Variants in DCDC2 observed in about 807,000 individuals in gnomAD.
DCDC2 encodes the protein doublecortin domain-containing protein 2.
Under a neutral mutation model 50.2 loss-of-function variants are expected in DCDC2, and 40 were observed. That is an observed-to-expected ratio of 0.80 (90% CI 0.62 to 1.04). DCDC2 has a LOEUF of 1.04. DCDC2 is among the 50% of genes least tolerant of loss of function. DCDC2 has a pLI of 0.00. For missense variants in DCDC2, 570 were observed against 581.9 expected (o/e 0.98, Z 0.21); for synonymous variants, 234 against 210.6 (o/e 1.11, Z -0.96).
chr6:24,308,169 A>C (rs1561768804), intron 2 of DCDC2, among the ~76,000 whole-genome samples: 1 of 152,238 alleles, frequency 6.6e-6, no homozygotes, highest in Non-Finnish European at 1.5e-5. Flanking sequence ...AGAGCAGAGA[A>C]AGGAATCCCA....
At chr6:24,319,756 G>A (rs560749052) in intron 2 of DCDC2, among the ~76,000 whole-genome samples, 1 of 152,214 alleles carries the variant, frequency 6.6e-6, no homozygotes, top group Non-Finnish European at 1.5e-5. Context: ...TCTAAGGAGA[G>A]TGGTTTCCTA....
At chr6:24,305,615 A>G (rs752446060) in intron 2 of DCDC2, among the ~76,000 whole-genome samples, 45 of 152,232 alleles carry the variant, frequency 3.0e-4, no homozygotes, top group Non-Finnish European at 5.4e-4. Flanking sequence ...AGGGTTGGTC[A>G]GTTGGTGGTA....
At chr6:24,297,546 G>T (rs2113835166) in intron 4 of DCDC2, among the ~76,000 whole-genome samples, 1 of 152,076 alleles carries the variant, frequency 6.6e-6, no homozygotes, top group East Asian at 1.9e-4. Flanking sequence ...ATTTTTACTT[G>T]AATATATTTT....
chr6:24,330,298 C>T (rs1759943626), intron 2 of DCDC2, among the ~76,000 whole-genome samples: 2 of 152,086 alleles, frequency 1.3e-5, no homozygotes, highest in South Asian at 2.1e-4. Context: ...CAAACAACCC[C>T]GGGCTGAATG....
intron 8 of DCDC2, among the ~76,000 whole-genome samples, chr6:24,185,968 C>G (rs550099082): frequency 6.6e-6 from 1 of 152,302 alleles, no homozygotes; most frequent in South Asian, 2.1e-4. Flanking sequence ...ACTTGTAGTC[C>G]ATTAAGACTG....
At chr6:24,241,664 G>GT (rs1762565115) in intron 7 of DCDC2, among the ~76,000 whole-genome samples, 2 of 152,184 alleles carry the variant, frequency 1.3e-5, no homozygotes, top group Non-Finnish European at 1.5e-5. Flanking sequence ...TTTTGGCAGT[G>GT]TTTTAAAAGA....
intron 9 of DCDC2, among the ~76,000 whole-genome samples, chr6:24,176,134 T>TA (rs1428575896): frequency 9.2e-5 from 14 of 151,690 alleles, no homozygotes; most frequent in East Asian, 1.9e-4. Context: ...TCCTCCATAT[T>TA]AAAAAATATG....
chr6:24,341,281 A>G (rs879686037), intron 2 of DCDC2, among the ~76,000 whole-genome samples: 2 of 152,190 alleles, frequency 1.3e-5, no homozygotes, highest in African/African-American at 4.8e-5. Flanking sequence ...TCACCACTTA[A>G]AAGTTCTACC....
intron 7 of DCDC2, among the ~76,000 whole-genome samples, chr6:24,267,025 G>A (rs1334638877): frequency 6.6e-6 from 1 of 152,158 alleles, no homozygotes; most frequent in Non-Finnish European, 1.5e-5. Flanking sequence ...GGAACTGGAG[G>A]TCATTATGTT....
At chr6:24,246,873 C>T (rs978691179) in intron 7 of DCDC2, among the ~76,000 whole-genome samples, 23 of 152,104 alleles carry the variant, frequency 1.5e-4, no homozygotes, top group African/African-American at 4.3e-4. Flanking sequence ...TATCCACATA[C>T]GAGCTTCCTC....
At chr6:24,378,586 C>T in the DCDC2 span, among the ~76,000 whole-genome samples, 194 of 152,258 alleles carry the variant, frequency 1.3e-3, 1 homozygote, top group African/African-American at 4.5e-3. Flanking sequence ...TGATGTCCTA[C>T]CAATTACTCA....
chr6:24,202,550 G>A (rs1761611659), intron 8 of DCDC2, among the ~76,000 whole-genome samples: 1 of 152,182 alleles, frequency 6.6e-6, no homozygotes, highest in African/African-American at 2.4e-5. Flanking sequence ...AAAGCTGGAA[G>A]CATTCCCTTT....
chr6:24,351,706 G>A (rs1760375864), intron 2 of DCDC2, among the ~76,000 whole-genome samples: 1 of 152,192 alleles, frequency 6.6e-6, no homozygotes, highest in Non-Finnish European at 1.5e-5. Flanking sequence ...GTTGGCTCAT[G>A]TGTAAGTGCA....
chr6:24,285,225 G>A (rs1339427051), intron 6 of DCDC2, among the ~76,000 whole-genome samples: 1 of 152,186 alleles, frequency 6.6e-6, no homozygotes, highest in Non-Finnish European at 1.5e-5. Context: ...ACTGTGGAAA[G>A]AGGGACAAAC....
At chr6:24,313,611 T>A (rs1296957485) in intron 2 of DCDC2, among the ~76,000 whole-genome samples, 1 of 152,188 alleles carries the variant, frequency 6.6e-6, no homozygotes, top group Non-Finnish European at 1.5e-5. Flanking sequence ...TGAGCAATGC[T>A]GAGTATGCAG....
At chr6:24,258,424 G>T (rs528392323) in intron 7 of DCDC2, among the ~76,000 whole-genome samples, 3 of 152,068 alleles carry the variant, frequency 2.0e-5, no homozygotes, top group African/African-American at 4.8e-5. Context: ...GCTAATTGGC[G>T]CATTTTACAA....
rs33943110 is a variant in DCDC2 at position 24,357,568 on chromosome 6, G to A, written c.183C>T (p.Ala61=). The change falls in exon 1 of 10, where the codon GCC becomes GCT. Residue 61 remains alanine (A), a synonymous_variant. Transcript: ENST00000378454. ...VTGGVQAPFG[A]VRNIYTPRTG... The stretch of plus-strand genomic sequence containing the variant: ...TCCGCGGGGTGTAGATGTTCCTGAC[G>A]GCCCCAAAGGGTGCCTGAACGCCGC... 86,591 of 1,613,326 alleles carry A rather than the reference G, an allele frequency of 0.054. 2,608 individuals are homozygous for A. Among genetic ancestry groups the A allele is most frequent in the Middle Eastern group, 0.069 (416 of 6,062 alleles).
intron 8 of DCDC2, among the ~76,000 whole-genome samples, chr6:24,192,343 C>A (rs1185895678): frequency 1.3e-5 from 2 of 152,016 alleles, no homozygotes; most frequent in Non-Finnish European, 2.9e-5. Flanking sequence ...AGGAGGCCTG[C>A]CAATGAAATG....
chr6:24,196,071 A>G (rs1265705949), intron 8 of DCDC2, among the ~76,000 whole-genome samples: 1 of 152,232 alleles, frequency 6.6e-6, no homozygotes. Context: ...GATCATTTAG[A>G]TGACAGGAAA....
Sources: gnomAD v4.1 joint callset for allele counts (sites outside exome capture counted in the v4.1 genomes callset) on GRCh38, gnomAD v4.1.1 for gene constraint, MANE v1.5 for transcripts, NCBI Gene and HGNC (gene_info 2026-07-23, HGNC 2026-07-21) for gene names.